Variants in WDR7 observed in about 807,000 individuals in gnomAD.
WDR7 encodes WD repeat domain 7, also known as WD repeat-containing protein 7.
In WDR7, 46 loss-of-function variants were observed where a neutral mutation model predicts 169.4. The ratio of observed to expected loss-of-function variants is 0.27; its 90% CI spans 0.21 to 0.35. The LOEUF (loss-of-function observed/expected upper bound fraction) is 0.35. Among genes scored for constraint, WDR7 ranks in the 10% least tolerant of loss-of-function variants. The pLI, the probability that WDR7 is intolerant of heterozygous loss-of-function variation, is 1.00. For missense variants in WDR7, 1,534 were observed against 1,859.3 expected, an observed-to-expected ratio of 0.83 and a Z score of 3.22; for synonymous variants, 612 against 666.8, an observed-to-expected ratio of 0.92 and a Z score of 1.27.
intron 22 of WDR7, among the ~76,000 whole-genome samples, chr18:56,931,139 A>G (rs1046966349): frequency 2.0e-5 from 3 of 151,922 alleles, no homozygotes; most frequent in African/African-American, 7.3e-5. Flanking sequence ...TTTTTTTAGA[A>G]TAAAGAGAAC....
chr18:56,943,781 T>TGAAGTCATTG (rs1199335750), intron 25 of WDR7, among the ~76,000 whole-genome samples: 1 of 152,096 alleles, frequency 6.6e-6, no homozygotes, highest in Non-Finnish European at 1.5e-5. Flanking sequence ...TATAGTATCC[T>TGAAGTCATTG]GAAGTCATTG....
chr18:56,830,078 G>A (rs565473815), intron 20 of WDR7, among the ~76,000 whole-genome samples: 12 of 152,240 alleles, frequency 7.9e-5, no homozygotes, highest in Admixed American at 3.3e-4. Flanking sequence ...AGTCTGCAGC[G>A]AATTGTTAAA....
At chr18:56,933,081 T>C (rs935797895) in intron 22 of WDR7, among the ~76,000 whole-genome samples, 4 of 152,182 alleles carry the variant, frequency 2.6e-5, no homozygotes, top group African/African-American at 9.7e-5. Flanking sequence ...ACTGGACTTC[T>C]CTGGATTCTA....
intron 2 of WDR7, among the ~76,000 whole-genome samples, chr18:56,674,403 T>C (rs2025199766): frequency 6.6e-6 from 1 of 152,192 alleles, no homozygotes; most frequent in African/African-American, 2.4e-5. Context: ...GAGCTTCTTT[T>C]CATGTTCTCA....
chr18:56,905,987 TAAC>T, intron 21 of WDR7, among the ~76,000 whole-genome samples: 1 of 152,302 alleles, frequency 6.6e-6, no homozygotes, highest in Non-Finnish European at 1.5e-5. Context: ...TTCTTCTTTA[TAAC>T]AATATTGTAG....
At chr18:56,911,252 G>A (rs933312237) in intron 21 of WDR7, among the ~76,000 whole-genome samples, 9 of 152,106 alleles carry the variant, frequency 5.9e-5, no homozygotes, top group Admixed American at 5.9e-4. Flanking sequence ...TCTTTACTGC[G>A]CTGACTCTAA....
intron 7 of WDR7, among the ~76,000 whole-genome samples, chr18:56,689,248 A>G (rs1441215017): frequency 1.3e-5 from 2 of 152,002 alleles, no homozygotes; most frequent in African/African-American, 2.4e-5. Context: ...TAATTTTTAT[A>G]TGGTTTTATT....
rs1421965977 is a variant in WDR7 at position 56,800,040 on chromosome 18, T to C, written c.3191-15991T>C. On this transcript the variant is annotated intron_variant, in intron 19 of 27. Transcript: ENST00000254442. The stretch of plus-strand genomic sequence containing the variant: ...TTAAAAATAGACTTTGCTATGTTTT[T>C]ATTTGTGGGACGGGGTTAAAAATGA... Among the ~76,000 whole-genome samples the C allele has an allele frequency of 3.9e-5, 6 of 152,286 alleles. No homozygotes were observed. In the East Asian group the frequency reaches 9.6e-4, roughly 24 times the overall value.
intron 13 of WDR7, among the ~76,000 whole-genome samples, chr18:56,720,020 G>A (rs2026285441): frequency 6.6e-6 from 1 of 152,112 alleles, no homozygotes; most frequent in African/African-American, 2.4e-5. Context: ...AAAGAAGCAT[G>A]CTGCTTAACT....
At chr18:56,957,978 A>C (rs1052109481) in intron 25 of WDR7, among the ~76,000 whole-genome samples, 3 of 152,052 alleles carry the variant, frequency 2.0e-5, no homozygotes, top group Admixed American at 6.6e-5. Context: ...CATGTTTTCT[A>C]TTTCTTTTTT....
chr18:56,696,042 G>C (rs2025696004), intron 11 of WDR7, among the ~76,000 whole-genome samples, 200 bp from the exon 12 acceptor site: 1 of 152,208 alleles, frequency 6.6e-6, no homozygotes, highest in Admixed American at 6.5e-5. Flanking sequence ...TAGGAATCTG[G>C]ATTACCCCCA....
At chr18:56,974,678 C>T (rs868113441) in intron 26 of WDR7, among the ~76,000 whole-genome samples, 1 of 152,064 alleles carries the variant, frequency 6.6e-6, no homozygotes, top group Admixed American at 6.6e-5. Flanking sequence ...GTTAACCCCA[C>T]GAGTCAGTAA....
intron 19 of WDR7, among the ~76,000 whole-genome samples, chr18:56,788,451 G>A (rs910870383): frequency 1.3e-5 from 2 of 152,028 alleles, no homozygotes; most frequent in African/African-American, 4.8e-5. Context: ...TTCTAGTGTT[G>A]TAGGGGTGTG....
chr18:56,948,011 C>T (rs1787451), intron 25 of WDR7, among the ~76,000 whole-genome samples: 1,613 of 150,998 alleles, frequency 0.011, 33 homozygotes, highest in African/African-American at 0.038. Flanking sequence ...CTGGTAGTGG[C>T]GTAATGCATG....
chr18:56,793,392 T>C (rs1229995848), intron 19 of WDR7, among the ~76,000 whole-genome samples: 2 of 152,204 alleles, frequency 1.3e-5, no homozygotes, highest in Non-Finnish European at 2.9e-5. Flanking sequence ...ACTTAATGAA[T>C]TGCCTGTCGT....
chr18:56,654,212 A>C (rs537633341), intron 1 of WDR7, among the ~76,000 whole-genome samples: 1 of 152,140 alleles, frequency 6.6e-6, no homozygotes, highest in East Asian at 1.9e-4. Context: ...GCTCACTGCC[A>C]TCTCTGTCTC....
At chr18:57,032,844 T>TATATATATAC (rs1464286392), downstream of WDR7, 18 of 123,748 alleles carry the variant, frequency 1.5e-4, no homozygotes, top group African/African-American at 3.5e-4. Flanking sequence ...TATATATATA[T>TATATATATAC]ACAGTGTAAT....
At chr18:56,824,547 T>C (rs1262770428) in intron 20 of WDR7, among the ~76,000 whole-genome samples, 1 of 152,260 alleles carries the variant, frequency 6.6e-6, no homozygotes, top group Non-Finnish European at 1.5e-5. Flanking sequence ...GTGTATTTAC[T>C]TAAACACATT....
chr18:56,880,324 C>G (rs540653185), intron 21 of WDR7, among the ~76,000 whole-genome samples, 159 bp downstream of exon 21: 1 of 152,324 alleles, frequency 6.6e-6, no homozygotes, highest in Non-Finnish European at 1.5e-5. Flanking sequence ...CCGTTAGTTA[C>G]AGTAACCTGA....
Sources: allele counts gnomAD v4.1 joint callset (sites outside exome capture counted in the v4.1 genomes callset), GRCh38; gene constraint gnomAD v4.1.1; transcripts MANE v1.5; gene names NCBI Gene and HGNC (gene_info 2026-07-23, HGNC 2026-07-21).